The following HEBP1 variants were observed in gnomAD, a reference collection of about 807,000 sequenced individuals.
The protein encoded by HEBP1 is heme binding protein 1, also known as heme-binding protein 1.
Under a neutral mutation model 20.4 loss-of-function variants are expected in HEBP1, and 13 were observed. The observed-to-expected ratio is 0.64, with a 90% CI of 0.42 to 1.01. The LOEUF (loss-of-function observed/expected upper bound fraction) is 1.01. HEBP1 is among the 50% of genes least tolerant of loss of function. The probability of loss-of-function intolerance (pLI) is 0.00; values close to 1 mark genes in which losing one functional copy is unlikely to be tolerated. For missense variants in HEBP1, 241 were observed against 247.3 expected (o/e 0.97, Z 0.17); for synonymous variants, 92 against 90.7 (o/e 1.01, Z -0.08).
intron 1 of HEBP1, among the ~76,000 whole-genome samples, chr12:12,995,714 CT>C (rs1864280560): frequency 6.6e-6 from 1 of 152,190 alleles, no homozygotes. Flanking sequence ...TTCTCTACTG[CT>C]GTAGAGAATA....
intron 3 of HEBP1, among the ~76,000 whole-genome samples, chr12:12,982,909 G>A (rs983798134): frequency 6.6e-6 from 1 of 152,178 alleles, no homozygotes; most frequent in African/African-American, 2.4e-5. Flanking sequence ...CTAGGATTGA[G>A]TAGGTATTTA....
In HEBP1 at chr12:12,975,146, A is replaced by G. The variant is rs765952019; in HGVS notation, c.*162T>C. The G allele has an allele frequency of 4.8e-6, 3 of 621,360 alleles. No homozygotes were observed. The highest frequency in any genetic ancestry group is 8.5e-6 in the Non-Finnish European group (3 of 354,062). The allele number at this position is 621,360 out of a possible 1,614,324, so 38.5% of individuals were successfully genotyped here. A position where few individuals can be genotyped will look rare whatever the true frequency, so the allele number is the denominator to read the frequency against. ...TACTGTGAGAAAAGAGACTTAGTAT[A>G]TGGAACATGCTTTTTTCAGAAAATT... On this transcript the variant is annotated 3_prime_UTR_variant, in exon 4 of 4. Coordinates refer to ENST00000014930, the MANE Select transcript of HEBP1 (RefSeq NM_015987.5).
intron 3 of HEBP1, chr12:12,985,823 G>A (rs1465812966): frequency 6.6e-6 from 1 of 152,066 alleles, no homozygotes; most frequent in Admixed American, 6.6e-5. Flanking sequence ...GTCTTAAAGT[G>A]GCTAACTTCC....
intron 1 of HEBP1, among the ~76,000 whole-genome samples, chr12:12,990,141 CACACACACAA>C (rs762458144): frequency 0.024 from 1,085 of 45,300 alleles, 5 homozygotes; most frequent in Non-Finnish European, 0.059. Context: ...CACACACACA[CACACACACAA>C]ACACACACAC....
At chr12:12,995,527 C>A (rs1216479770) in intron 1 of HEBP1, among the ~76,000 whole-genome samples, 1 of 152,144 alleles carries the variant, frequency 6.6e-6, no homozygotes, top group African/African-American at 2.4e-5. Context: ...TGGAGAAAAG[C>A]TGGGCCACAA....
rs978866004 is a variant in HEBP1, at chr12:12,978,511, G to T, written c.399-3032C>A. ...AGCCACCACGCCCGGCCTGGAAAGGGTTTTAAAGTAGAGGACTGGCACGAT... is the reference window on the plus strand; with the variant it reads ...AGCCACCACGCCCGGCCTGGAAAGGTTTTTAAAGTAGAGGACTGGCACGAT... On this transcript the variant is annotated intron_variant, in intron 3 of 3. Coordinates refer to ENST00000014930, the MANE Select transcript of HEBP1 (RefSeq NM_015987.5). Among the ~76,000 whole-genome samples the T allele has an allele frequency of 2.0e-5, 3 of 152,068 alleles. No individual in the cohort carries two copies. In the South Asian group the frequency reaches 6.2e-4, roughly 31 times the overall value.
In HEBP1 at chr12:12,975,205, G is replaced by A. The variant is rs1863961161; in HGVS notation, c.*103C>T. The A allele has an allele frequency of 8.9e-7, 1 of 1,124,696 alleles. No homozygotes were observed. Among genetic ancestry groups the A allele is most frequent in the Non-Finnish European group, 1.3e-6 (1 of 776,090 alleles). 69.7% of individuals were successfully genotyped at this position (1,124,696 alleles called of 1,614,324 possible). The stretch of plus-strand genomic sequence containing the variant: ...CTGACTTTGAAGGAAAGTTGGTTAA[G>A]TTGGACTTGCAGCTGGAACTTGGGA... On this transcript the variant is annotated 3_prime_UTR_variant, in exon 4 of 4. Coordinates refer to ENST00000014930, the MANE Select transcript of HEBP1 (RefSeq NM_015987.5).
At chr12:12,988,412 A>G (rs557641190) in intron 2 of HEBP1, among the ~76,000 whole-genome samples, 42 of 152,182 alleles carry the variant, frequency 2.8e-4, no homozygotes, top group Non-Finnish European at 2.2e-4. Context: ...CTTTAGTCCT[A>G]GTAAATTTTT....
intron 3 of HEBP1, chr12:12,983,699 A>G (rs1256869809): frequency 2.2e-6 from 1 of 456,072 alleles, no homozygotes; most frequent in South Asian, 1.5e-5. Context: ...TAAAAATTCC[A>G]TGGAGCCAGG....
chr12:12,984,793 T>TAAC (rs1219827607), intron 3 of HEBP1: 3 of 147,996 alleles, frequency 2.0e-5, no homozygotes, highest in Non-Finnish European at 4.5e-5. Flanking sequence ...CCTTGTCTCT[T>TAAC]AACAACAACA....
Position 12,975,223 on chromosome 12 carries a change from A to G in HEBP1, c.*85T>C, listed in dbSNP as rs999719526. On this transcript the variant is annotated 3_prime_UTR_variant, in exon 4 of 4. Coordinates refer to ENST00000014930, the MANE Select transcript of HEBP1 (RefSeq NM_015987.5). Reference sequence around the variant, plus strand: ...TGGTTAAGTTGGACTTGCAGCTGGAACTTGGGAAGCACTGTCCCCTCCTTA... The same window carrying G: ...TGGTTAAGTTGGACTTGCAGCTGGAGCTTGGGAAGCACTGTCCCCTCCTTA... 3.3e-5 allele frequency: 44 copies of G among 1,318,328 alleles called. No individual in the cohort carries two copies. In the African/African-American group the frequency reaches 6.2e-4, roughly 19 times the overall value. The allele number at this position is 1,318,328 out of a possible 1,614,324, so 81.7% of individuals were successfully genotyped here.
chr12:12,985,600 T>TA (rs1268767758), intron 3 of HEBP1: 1 of 152,322 alleles, frequency 6.6e-6, no homozygotes, highest in East Asian at 1.9e-4. Flanking sequence ...CAATCATGTC[T>TA]ATCTCATTCC....
intron 1 of HEBP1, among the ~76,000 whole-genome samples, chr12:12,991,980 TTTGA>T (rs1864230128): frequency 6.6e-6 from 1 of 152,242 alleles, no homozygotes; most frequent in African/African-American, 2.4e-5. Context: ...CAGATATTTA[TTTGA>T]TTAAGGTGCT....
At position 12,983,509 on chromosome 12, in the gene HEBP1, A is replaced by T. The variant is rs551543048; in HGVS notation, c.398+3643T>A. The T allele has an allele frequency of 4.4e-5, 15 of 340,298 alleles. No homozygotes were observed. In the East Asian group the frequency reaches 1.2e-3, roughly 27 times the overall value. 21.1% of individuals were successfully genotyped at this position (340,298 alleles called of 1,614,324 possible). A position where few individuals can be genotyped will look rare whatever the true frequency, so the allele number is the denominator to read the frequency against. On this transcript the variant is annotated intron_variant, in intron 3 of 3. Transcript: ENST00000014930. ...TTGAATGCACTCACTGCATTATTTG[A>T]TAGAGTACTTTTGCATTTGAAGTAG...
At chr12:12,991,046 C>T (rs1864219161) in intron 1 of HEBP1, among the ~76,000 whole-genome samples, 1 of 152,194 alleles carries the variant, frequency 6.6e-6, no homozygotes, top group Admixed American at 6.5e-5. Context: ...ACTCTCATCC[C>T]TGAATGCTCA....
chr12:12,988,709 G>A (rs1864182053), intron 2 of HEBP1, among the ~76,000 whole-genome samples: 2 of 152,144 alleles, frequency 1.3e-5, no homozygotes, highest in Admixed American at 6.5e-5. Flanking sequence ...CCTTTCATGA[G>A]ACTTCAGGCT....
chr12:12,988,814 AG>A (rs1864183122), intron 2 of HEBP1, among the ~76,000 whole-genome samples: 3 of 152,168 alleles, frequency 2.0e-5, no homozygotes, highest in African/African-American at 7.2e-5. Context: ...TTTGCCAGAC[AG>A]GGTCTGGAAC....
In HEBP1 at chr12:12,998,662, T is replaced by C. The variant is rs1026163707; in HGVS notation, c.78+1375A>G. On this transcript the variant is annotated intron_variant, in intron 1 of 3. Transcript: ENST00000014930. This position sits in a 1 kb window ranked among gnomAD's most constrained non-coding sequence, Gnocchi z 4.2. ...TCAAAGAGTTCAGATTAGAGTCTAA[T>C]TGAGGGCTTTCGTGATATGAAGATC... Among the ~76,000 whole-genome samples the C allele has an allele frequency of 2.0e-5, 3 of 152,190 alleles. No individual in the cohort carries two copies. The highest frequency in any genetic ancestry group is 6.5e-5 in the Admixed American group (1 of 15,290).
chr12:12,977,860 AT>A (rs1182044816), intron 3 of HEBP1, among the ~76,000 whole-genome samples: 2 of 152,190 alleles, frequency 1.3e-5, no homozygotes, highest in Non-Finnish European at 2.9e-5. Context: ...AGGCTGCACA[AT>A]GGCAGGATTT....
Sources: allele counts gnomAD v4.1 joint callset (sites outside exome capture counted in the v4.1 genomes callset), GRCh38; gene constraint gnomAD v4.1.1; non-coding constraint Gnocchi (gnomAD v3.1); transcripts MANE v1.5; gene names NCBI Gene and HGNC (gene_info 2026-07-23, HGNC 2026-07-21).